Variants in CDH6 observed in about 807,000 individuals in gnomAD.
CDH6 encodes the protein cadherin-6.
CDH6 carries 31 observed loss-of-function variants against 78.0 expected under a neutral mutation model. The ratio of observed to expected loss-of-function variants is 0.40; its 90% CI spans 0.30 to 0.54. CDH6 has a LOEUF of 0.54. Among genes scored for constraint, CDH6 ranks in the 20% least tolerant of loss-of-function variants. The pLI is 0.56. For missense variants in CDH6, 724 were observed against 975.9 expected, an observed-to-expected ratio of 0.74 and a Z score of 3.44; for synonymous variants, 376 against 368.8, an observed-to-expected ratio of 1.02 and a Z score of -0.23.
At chr5:31,322,789 T>C (rs1341048424) in intron 11 of CDH6, 29 bp from the exon 12 acceptor site, 6 of 1,585,676 alleles carry the variant, frequency 3.8e-6, no homozygotes, top group Non-Finnish European at 5.2e-6. Flanking sequence ...AACTTTTCCT[T>C]CCCTTTCTGT....
At chr5:31,237,106 G>A (rs780410808) in intron 1 of CDH6, among the ~76,000 whole-genome samples, 109 of 152,142 alleles carry the variant, frequency 7.2e-4, no homozygotes, top group Non-Finnish European at 1.3e-3. Flanking sequence ...AAACCTCACC[G>A]TGTTTCAGAG....
intron 1 of CDH6, among the ~76,000 whole-genome samples, chr5:31,254,092 T>A (rs1741985590): frequency 6.6e-6 from 1 of 152,166 alleles, no homozygotes; most frequent in African/African-American, 2.4e-5. Context: ...ACATCCTGCC[T>A]GGATTGTGAA....
chr5:31,252,806 T>C (rs1741945898), intron 1 of CDH6, among the ~76,000 whole-genome samples: 2 of 152,070 alleles, frequency 1.3e-5, no homozygotes, highest in Non-Finnish European at 2.9e-5. Flanking sequence ...ACTCTGACAA[T>C]GTTCTTTACT....
chr5:31,303,704 C>T (rs1366118487), intron 6 of CDH6, among the ~76,000 whole-genome samples: 3 of 152,122 alleles, frequency 2.0e-5, no homozygotes, highest in Non-Finnish European at 4.4e-5. Context: ...CTTTAGCATA[C>T]TATAATCTTT....
chr5:31,256,406 C>A (rs1332580971), intron 1 of CDH6, among the ~76,000 whole-genome samples: 1 of 152,144 alleles, frequency 6.6e-6, no homozygotes, highest in Non-Finnish European at 1.5e-5. Flanking sequence ...TGGCTCGGAA[C>A]TTAGAATTGG....
intron 1 of CDH6, among the ~76,000 whole-genome samples, chr5:31,210,530 A>G (rs1381133855): frequency 6.6e-6 from 1 of 152,128 alleles, no homozygotes; most frequent in Non-Finnish European, 1.5e-5. Flanking sequence ...AGTATTGCTG[A>G]TACTTTGTGA....
chr5:31,283,089 G>A (rs1187792677), intron 2 of CDH6, among the ~76,000 whole-genome samples: 2 of 152,160 alleles, frequency 1.3e-5, no homozygotes, highest in African/African-American at 4.8e-5. Flanking sequence ...TCTGACCCCA[G>A]GGGACATTTG....
At chr5:31,269,185 A>G (rs1455865038) in intron 2 of CDH6, among the ~76,000 whole-genome samples, 2 of 151,932 alleles carry the variant, frequency 1.3e-5, no homozygotes, top group African/African-American at 2.4e-5. Context: ...TGCTTTATCT[A>G]AATGATGTTT....
chr5:31,267,718 T>G lies in CDH6; in HGVS notation c.228+17T>G, dbSNP rs773229922. The G allele has an allele frequency of 5.1e-6, 8 of 1,578,806 alleles. No individual in the cohort carries two copies. The highest frequency in any genetic ancestry group is 7.0e-6 in the Non-Finnish European group (8 of 1,147,946). ...GTGGGCAAGGTAGGATTCCTTTGAG[T>G]GCTTTGACATTCTGGGTTTAAAGCC... On this transcript the variant is annotated intron_variant, in intron 2 of 11. Transcript: ENST00000265071.
intron 1 of CDH6, among the ~76,000 whole-genome samples, chr5:31,256,372 G>A (rs933259929): frequency 6.6e-6 from 1 of 152,154 alleles, no homozygotes; most frequent in Non-Finnish European, 1.5e-5. Context: ...CTGGCCAAGG[G>A]TGGGAACAGA....
chr5:31,302,787 AG>A (rs1363742943), intron 6 of CDH6, among the ~76,000 whole-genome samples: 3 of 57,778 alleles, frequency 5.2e-5, no homozygotes, highest in African/African-American at 2.0e-4. Context: ...AAAGAGAGAG[AG>A]AGAGAGAGAG....
chr5:31,238,033 C>T (rs1276089928), intron 1 of CDH6, among the ~76,000 whole-genome samples: 1 of 152,166 alleles, frequency 6.6e-6, no homozygotes, highest in Admixed American at 6.5e-5. Context: ...CTTCCTTTGG[C>T]TCTTCTCTTT....
chr5:31,261,377 G>A (rs1183480197), intron 1 of CDH6, among the ~76,000 whole-genome samples: 1 of 152,164 alleles, frequency 6.6e-6, no homozygotes, highest in Non-Finnish European at 1.5e-5. Flanking sequence ...AGGTATTTAT[G>A]ATACTTATGC....
chr5:31,251,231 T>G (rs546868726), intron 1 of CDH6: 1 of 152,252 alleles, frequency 6.6e-6, no homozygotes, highest in East Asian at 1.9e-4. Flanking sequence ...TCTCACTTAA[T>G]GGCCTATATG....
At chr5:31,268,330 C>T (rs897367202) in intron 2 of CDH6, among the ~76,000 whole-genome samples, 6 of 152,186 alleles carry the variant, frequency 3.9e-5, no homozygotes, top group Admixed American at 3.3e-4. Flanking sequence ...GAGAAAAATG[C>T]TTATGTAAAG....
chr5:31,227,159 A>G (rs1741175945), intron 1 of CDH6, among the ~76,000 whole-genome samples: 1 of 152,066 alleles, frequency 6.6e-6, no homozygotes, highest in East Asian at 1.9e-4. Context: ...GTATCTCCTC[A>G]CCCTATCCCA....
At chr5:31,247,445 C>G (rs893653037) in intron 1 of CDH6, among the ~76,000 whole-genome samples, 2 of 152,236 alleles carry the variant, frequency 1.3e-5, no homozygotes, top group Admixed American at 6.5e-5. Context: ...CCACCTGCTT[C>G]TATCTGGTGG....
intron 2 of CDH6, among the ~76,000 whole-genome samples, chr5:31,291,451 C>T (rs1482554513): frequency 2.0e-5 from 3 of 152,170 alleles, no homozygotes; most frequent in Non-Finnish European, 2.9e-5. Flanking sequence ...TGCATGTGGT[C>T]TTCAATTAGA....
At chr5:31,307,081 G>T (rs1436948308) in intron 7 of CDH6, among the ~76,000 whole-genome samples, 1 of 152,110 alleles carries the variant, frequency 6.6e-6, no homozygotes, top group East Asian at 1.9e-4. Context: ...GGGAGGCGAG[G>T]TCAGATATGA....
Sources: allele counts gnomAD v4.1 joint callset (sites outside exome capture counted in the v4.1 genomes callset), GRCh38; gene constraint gnomAD v4.1.1; transcripts MANE v1.5; gene names NCBI Gene and HGNC (gene_info 2026-07-23, HGNC 2026-07-21).